Variants in PPARGC1A observed in about 807,000 individuals in gnomAD.
The protein encoded by PPARGC1A is PPARG coactivator 1 alpha.
Under a neutral mutation model 88.7 loss-of-function variants are expected in PPARGC1A, and 25 were observed. The observed-to-expected ratio is 0.28, with a 90% CI of 0.21 to 0.39. The LOEUF (loss-of-function observed/expected upper bound fraction) is 0.39, where lower values mean the gene tolerates loss of function less well. PPARGC1A is among the 10% of genes least tolerant of loss of function. The pLI, the probability that PPARGC1A is intolerant of heterozygous loss-of-function variation, is 1.00. For missense variants in PPARGC1A, 880 were observed against 968.7 expected, an observed-to-expected ratio of 0.91 and a Z score of 1.22; for synonymous variants, 363 against 355.6, an observed-to-expected ratio of 1.02 and a Z score of -0.24.
the PPARGC1A span, among the ~76,000 whole-genome samples, chr4:24,187,741 T>TA: frequency 9.9e-5 from 15 of 152,114 alleles, no homozygotes; most frequent in African/African-American, 3.6e-4. Flanking sequence ...GCAACATGGG[T>TA]AAAAAATATA....
At chr4:24,344,778 T>C in the PPARGC1A span, among the ~76,000 whole-genome samples, 1 of 152,202 alleles carries the variant, frequency 6.6e-6, no homozygotes, top group Non-Finnish European at 1.5e-5. Flanking sequence ...GCTATTTATC[T>C]TTGTTTTTGT....
the PPARGC1A span, among the ~76,000 whole-genome samples, chr4:24,104,783 C>T: frequency 6.6e-6 from 1 of 152,172 alleles, no homozygotes; most frequent in Non-Finnish European, 1.5e-5. Flanking sequence ...AATATATGCC[C>T]AGTAAACCCT....
chr4:23,813,194 G>T, intron 8 of PPARGC1A, 69 bp from the exon 9 acceptor site: 1 of 1,303,134 alleles, frequency 7.7e-7, no homozygotes, highest in Non-Finnish European at 1.1e-6. Flanking sequence ...TCGGCACTGT[G>T]GAGCATCCTC....
At chr4:23,950,740 T>A in the PPARGC1A span, among the ~76,000 whole-genome samples, 1 of 152,160 alleles carries the variant, frequency 6.6e-6, no homozygotes, top group Non-Finnish European at 1.5e-5. Context: ...TCGTGGTTAG[T>A]TCTCTTCCTT....
At chr4:24,162,522 A>G in the PPARGC1A span, among the ~76,000 whole-genome samples, 4 of 151,964 alleles carry the variant, frequency 2.6e-5, no homozygotes, top group Admixed American at 6.6e-5. Context: ...GCTATATTGA[A>G]GAATCTTACT....
chr4:24,231,972 A>T, the PPARGC1A span, among the ~76,000 whole-genome samples: 1 of 152,182 alleles, frequency 6.6e-6, no homozygotes, highest in Non-Finnish European at 1.5e-5. Context: ...TTTAAGAGAA[A>T]AACTTTTCAA....
chr4:24,442,798 A>T, the PPARGC1A span, among the ~76,000 whole-genome samples: 1 of 152,178 alleles, frequency 6.6e-6, no homozygotes, highest in Non-Finnish European at 1.5e-5. Context: ...TGGCCCTGAC[A>T]TGATTAAATG....
In PPARGC1A at chr4:23,897,942, C is replaced by T. The variant is rs576667365; in HGVS notation, n.52+1325G>A. Among the ~76,000 whole-genome samples, 10 of 152,258 alleles carry T rather than the reference C, an allele frequency of 6.6e-5. No individual in the cohort carries two copies. The East Asian group carries it at 1.7e-3, about 26-fold the overall frequency. ...CACAGCAAGTGTGAAAACCACACAACTGATGTGGTAGTCATTACAAGTGAT... is the reference window on the plus strand; with the variant it reads ...CACAGCAAGTGTGAAAACCACACAATTGATGTGGTAGTCATTACAAGTGAT... On this transcript the variant is annotated intron_variant and non_coding_transcript_variant, in intron 1 of 3. Coordinates refer to the PPARGC1A transcript ENST00000507342.
the PPARGC1A span, among the ~76,000 whole-genome samples, chr4:24,096,117 T>C: frequency 6.6e-6 from 1 of 152,136 alleles, no homozygotes; most frequent in Non-Finnish European, 1.5e-5. Context: ...TGGGTTCTCA[T>C]GAGATCTGAT....
the PPARGC1A span, among the ~76,000 whole-genome samples, chr4:24,217,966 CACAA>C: frequency 4.6e-5 from 7 of 152,052 alleles, no homozygotes; most frequent in Admixed American, 4.6e-4. Context: ...ATACAAAAAT[CACAA>C]AACTTTTTTA....
At chr4:24,195,311 G>A in the PPARGC1A span, among the ~76,000 whole-genome samples, 15 of 152,116 alleles carry the variant, frequency 9.9e-5, no homozygotes, top group East Asian at 3.9e-4. Flanking sequence ...CTAATAAAAC[G>A]CCTAGTAGGT....
chr4:24,207,194 AAG>A, the PPARGC1A span, among the ~76,000 whole-genome samples: 1 of 152,152 alleles, frequency 6.6e-6, no homozygotes, highest in Non-Finnish European at 1.5e-5. Flanking sequence ...TTAATACCTA[AAG>A]AGAGGTTACT....
the PPARGC1A span, among the ~76,000 whole-genome samples, chr4:24,405,810 A>G: frequency 1.3e-5 from 2 of 152,254 alleles, no homozygotes; most frequent in South Asian, 2.1e-4. Context: ...GCCCAGTCTT[A>G]GGGTTATTAT....
chr4:24,043,542 C>T, the PPARGC1A span, among the ~76,000 whole-genome samples: 1 of 152,078 alleles, frequency 6.6e-6, no homozygotes, highest in African/African-American at 2.4e-5. Context: ...TTCCCTCTAC[C>T]AATACAGAAT....
chr4:24,471,487 T>C, the PPARGC1A span, among the ~76,000 whole-genome samples: 3 of 152,172 alleles, frequency 2.0e-5, no homozygotes, highest in African/African-American at 7.2e-5. This position sits in a 1 kb window ranked among gnomAD's most constrained non-coding sequence, Gnocchi z 5.4. Context: ...ACAACAGTTA[T>C]TTAATTAAAA....
chr4:24,372,781 G>A, the PPARGC1A span, among the ~76,000 whole-genome samples: 43 of 152,208 alleles, frequency 2.8e-4, no homozygotes, highest in African/African-American at 9.4e-4. Flanking sequence ...TCCAAAATGG[G>A]GATAATAATA....
chr4:24,072,440 C>T, the PPARGC1A span, among the ~76,000 whole-genome samples: 1 of 151,772 alleles, frequency 6.6e-6, no homozygotes, highest in African/African-American at 2.4e-5. Context: ...CCTTCTGATG[C>T]CATATTTTCT....
the PPARGC1A span, among the ~76,000 whole-genome samples, chr4:24,279,105 T>C: frequency 6.6e-6 from 1 of 152,228 alleles, no homozygotes; most frequent in African/African-American, 2.4e-5. Context: ...CCATCTAACC[T>C]TTTTGGCCTT....
intron 2 of PPARGC1A, among the ~76,000 whole-genome samples, chr4:23,861,066 G>C (rs141964542): frequency 6.6e-6 from 1 of 152,138 alleles, no homozygotes; most frequent in Non-Finnish European, 1.5e-5. Flanking sequence ...CGACCTCTAA[G>C]TACAACATAT....
Sources: gnomAD v4.1 joint callset for allele counts (sites outside exome capture counted in the v4.1 genomes callset) on GRCh38, gnomAD v4.1.1 for gene constraint, Gnocchi (gnomAD v3.1) non-coding constraint, MANE v1.5 for transcripts, NCBI Gene and HGNC (gene_info 2026-07-23, HGNC 2026-07-21) for gene names.